The following CDH13 variants were observed in gnomAD, a reference collection of about 807,000 sequenced individuals.
CDH13 encodes cadherin-13.
CDH13 carries 24 observed loss-of-function variants against 63.8 expected under a neutral mutation model. That is an observed-to-expected ratio of 0.38 (90% CI 0.27 to 0.53). CDH13 has a LOEUF of 0.53. Among genes scored for constraint, CDH13 ranks in the 20% least tolerant of loss-of-function variants. The pLI is 0.85. For missense variants in CDH13, 1,049 were observed against 903.1 expected (o/e 1.16, Z -2.07); for synonymous variants, 503 against 355.3 (o/e 1.42, Z -4.67).
intron 2 of CDH13, among the ~76,000 whole-genome samples, chr16:82,889,297 A>G (rs1258667230): frequency 8.0e-6 from 1 of 125,690 alleles, no homozygotes; most frequent in Admixed American, 7.7e-5. Context: ...CTGTCTCTCT[A>G]TTATCTCTCT....
chr16:83,031,886 G>C lies in CDH13; in HGVS notation c.158-124G>C, dbSNP rs7189859. ...CAGGCATCTTGCTGTGGGATAAAAC[G>C]TAACATTTGTGAACTCTGGGTTGGG... On this transcript the variant is annotated intron_variant, in intron 2 of 13. Transcript: ENST00000567109. 0.1 allele frequency: 77,889 copies of C among 742,346 alleles called. 4,387 individuals carry two copies. The highest frequency in any genetic ancestry group is 0.17 in the African/African-American group (9,577 of 57,198). 46.0% of individuals were successfully genotyped at this position (742,346 alleles called of 1,614,324 possible). A position where few individuals can be genotyped will look rare whatever the true frequency, so the allele number is the denominator to read the frequency against.
chr16:83,023,403 G>A (rs2151458795), intron 2 of CDH13, among the ~76,000 whole-genome samples: 1 of 152,104 alleles, frequency 6.6e-6, no homozygotes, highest in East Asian at 1.9e-4. Flanking sequence ...TATCTTATAT[G>A]TGTATATTTT....
chr16:82,964,701 A>G (rs1007252943), intron 2 of CDH13, among the ~76,000 whole-genome samples: 1 of 152,212 alleles, frequency 6.6e-6, no homozygotes, highest in African/African-American at 2.4e-5. Flanking sequence ...AGGTGTAGCC[A>G]GTGTAATTTA....
intron 9 of CDH13, among the ~76,000 whole-genome samples, chr16:83,673,331 T>G (rs1420887510): frequency 6.6e-6 from 1 of 152,184 alleles, no homozygotes; most frequent in Non-Finnish European, 1.5e-5. Context: ...CTACCAAATT[T>G]TGGCCTCTGA....
intron 5 of CDH13, among the ~76,000 whole-genome samples, chr16:83,317,040 G>A (rs972001387): frequency 5.3e-5 from 8 of 152,218 alleles, no homozygotes; most frequent in African/African-American, 1.7e-4. Context: ...AATGTCTGCA[G>A]ACATTTCTGG....
At chr16:83,782,741 A>T (rs1178759555) in intron 12 of CDH13, among the ~76,000 whole-genome samples, 1 of 151,790 alleles carries the variant, frequency 6.6e-6, no homozygotes, top group Non-Finnish European at 1.5e-5. Flanking sequence ...GTCTCGAAAA[A>T]AAAAAAAAAA....
At chr16:83,335,510 A>G (rs895159848) in intron 5 of CDH13, among the ~76,000 whole-genome samples, 1 of 151,954 alleles carries the variant, frequency 6.6e-6, no homozygotes, top group African/African-American at 2.4e-5. Flanking sequence ...TGATCATTTT[A>G]TGTTTCTTGC....
chr16:83,181,776 AGT>A lies in CDH13; in HGVS notation c.484-35559_484-35558del, dbSNP rs1172990548. ...AATGCCTGAAATCACAGGCAAAGTG[AGT>A]GTGTGTGTGCATGTGTGTGTGTATG... is the stretch of plus-strand genomic sequence containing the variant. On this transcript the variant is annotated intron_variant, in intron 4 of 13. Transcript: ENST00000567109. Among the ~76,000 whole-genome samples, 42 of 151,920 alleles carry A rather than the reference AGT, an allele frequency of 2.8e-4. 1 individual carries two copies. The highest frequency in any genetic ancestry group is 2.5e-3 in the South Asian group (12 of 4,798).
intron 6 of CDH13, among the ~76,000 whole-genome samples, chr16:83,470,593 T>G (rs2073428590): frequency 6.6e-6 from 1 of 151,782 alleles, no homozygotes; most frequent in Admixed American, 6.6e-5. Flanking sequence ...TCTGAAAGAG[T>G]GTAATATGTC....
intron 7 of CDH13, among the ~76,000 whole-genome samples, chr16:83,539,274 C>T (rs937488461): frequency 6.6e-6 from 1 of 152,074 alleles, no homozygotes; most frequent in East Asian, 1.9e-4. Flanking sequence ...AACCTAGATC[C>T]CTCACACGTG....
chr16:82,972,001 C>A (rs1285647995), intron 2 of CDH13, among the ~76,000 whole-genome samples: 1 of 152,144 alleles, frequency 6.6e-6, no homozygotes, highest in Admixed American at 6.5e-5. Context: ...ATTGCTGGGC[C>A]CTGCCATAAG....
intron 1 of CDH13, among the ~76,000 whole-genome samples, chr16:82,856,449 C>A (rs1390720599): frequency 6.7e-6 from 1 of 149,884 alleles, no homozygotes; most frequent in East Asian, 2.0e-4. Context: ...CGCCTGTAGT[C>A]TTGGCACTTT....
chr16:83,103,395 G>A (rs565314558), intron 3 of CDH13, among the ~76,000 whole-genome samples: 22 of 151,148 alleles, frequency 1.5e-4, no homozygotes, highest in African/African-American at 4.6e-4. Context: ...ACAGGCACGT[G>A]CCACCACGCC....
chr16:83,584,493 G>A (rs1905955069), intron 7 of CDH13, among the ~76,000 whole-genome samples: 1 of 152,180 alleles, frequency 6.6e-6, no homozygotes, highest in Non-Finnish European at 1.5e-5. Flanking sequence ...TTTAGTAAAG[G>A]CTTCAAAGAG....
chr16:83,794,999 T>G (rs1210474306), intron 13 of CDH13, 24 bp from the exon 14 acceptor site: 13 of 1,590,576 alleles, frequency 8.2e-6, no homozygotes, highest in Non-Finnish European at 8.6e-6. Context: ...ATTCCCGACT[T>G]AACTCTGAAC....
chr16:83,017,729 A>C (rs1253777691), intron 2 of CDH13, among the ~76,000 whole-genome samples: 1 of 152,184 alleles, frequency 6.6e-6, no homozygotes, highest in African/African-American at 2.4e-5. Context: ...GGTTTTGTAG[A>C]GTGACTTGAA....
At chr16:82,895,769 A>G (rs530709112) in intron 2 of CDH13, among the ~76,000 whole-genome samples, 1 of 151,900 alleles carries the variant, frequency 6.6e-6, no homozygotes, top group East Asian at 1.9e-4. Context: ...TGTACAGCCA[A>G]TGAAATAGCT....
At chr16:82,724,882 G>A (rs2151026868) in intron 1 of CDH13, among the ~76,000 whole-genome samples, 1 of 152,196 alleles carries the variant, frequency 6.6e-6, no homozygotes, top group Non-Finnish European at 1.5e-5. Context: ...TCCTTGGCTG[G>A]GTCAGCCATT....
At chr16:83,552,637 C>G (rs1221104517) in intron 7 of CDH13, among the ~76,000 whole-genome samples, 1 of 152,120 alleles carries the variant, frequency 6.6e-6, no homozygotes, top group Non-Finnish European at 1.5e-5. Context: ...TAATTATGCC[C>G]AAAATAGTCA....
Sources: allele counts gnomAD v4.1 joint callset (sites outside exome capture counted in the v4.1 genomes callset), GRCh38; gene constraint gnomAD v4.1.1; transcripts MANE v1.5; gene names NCBI Gene and HGNC (gene_info 2026-07-23, HGNC 2026-07-21).